The following PTK2 variants were observed in gnomAD, a reference collection of about 807,000 sequenced individuals.
PTK2 encodes the protein focal adhesion kinase 1.
PTK2 carries 45 observed loss-of-function variants against 150.1 expected under a neutral mutation model. That is an observed-to-expected ratio of 0.30 (90% CI 0.24 to 0.38). PTK2 has a LOEUF of 0.38. Ranked by LOEUF, PTK2 falls within the 10% of genes least tolerant of loss-of-function variation. The pLI is 1.00. For missense variants in PTK2, 919 were observed against 1,307.3 expected (o/e 0.70, Z 4.58); for synonymous variants, 432 against 449.2 (o/e 0.96, Z 0.48).
chr8:140,703,332 T>C (rs757255831), intron 24 of PTK2, among the ~76,000 whole-genome samples: 1 of 152,180 alleles, frequency 6.6e-6, no homozygotes, highest in Admixed American at 6.5e-5. Flanking sequence ...CCAAGGCATG[T>C]AGGTGCCCTG....
intron 21 of PTK2, 139 bp from the exon 25 acceptor site, chr8:140,735,594 A>G (rs534882196): frequency 2.9e-6 from 2 of 683,598 alleles, no homozygotes; most frequent in East Asian, 5.3e-5. Context: ...GCAGCATTAT[A>G]TTAACTCTAG....
Position 140,941,227 on chromosome 8 carries a change from A to G in PTK2, c.-121-15478T>C, listed in dbSNP as rs2100175627. ...GACATTCCCAGAGAAAAATACAGGG[A>G]TGGAGTGAGACAATAAAATATAAAA... is the stretch of plus-strand genomic sequence containing the variant. On this transcript the variant is annotated intron_variant, in intron 1 of 31. Coordinates refer to ENST00000522684, the Ensembl canonical transcript of PTK2. Among the ~76,000 whole-genome samples, 4 of 152,216 alleles carry G rather than the reference A, an allele frequency of 2.6e-5. No individual in the cohort carries two copies. The South Asian group carries it at 8.3e-4, about 32-fold the overall frequency.
chr8:140,906,459 T>C lies in PTK2; in HGVS notation c.-32-15690A>G, dbSNP rs560159984. On this transcript the variant is annotated intron_variant, in intron 2 of 31. Coordinates refer to ENST00000522684, the Ensembl canonical transcript of PTK2. ...ATCCACATGGACAATGTGGTATATA[T>C]ACACAATGGAATATTATTCAGCAAC... 1.4e-4 allele frequency among the ~76,000 whole-genome samples: 22 copies of C among 152,288 alleles called. No individual in the cohort carries two copies. The Middle Eastern group carries it at 0.01, about 71-fold the overall frequency.
At chr8:140,986,148 C>G (rs971322222) in intron 1 of PTK2, among the ~76,000 whole-genome samples, 5 of 152,166 alleles carry the variant, frequency 3.3e-5, no homozygotes, top group Admixed American at 2.0e-4. Context: ...AATGTAGTAG[C>G]CACTAGCCAC....
intron 2 of PTK2, among the ~76,000 whole-genome samples, chr8:140,919,244 T>C (rs2100166478): frequency 6.6e-6 from 1 of 152,244 alleles, no homozygotes; most frequent in Admixed American, 6.5e-5. Flanking sequence ...GTGTGAGCTC[T>C]GTTCCCTCTC....
intron 22 of PTK2, chr8:140,735,025 T>C (rs1486377525): frequency 1.8e-6 from 1 of 566,176 alleles, no homozygotes; most frequent in Non-Finnish European, 3.1e-6. Context: ...GGGAGAGAGA[T>C]TTGACCATAA....
At chr8:140,892,606 CT>C (rs773768989) in intron 2 of PTK2, 4 of 459,440 alleles carry the variant, frequency 8.7e-6, no homozygotes, top group Admixed American at 2.4e-5. Context: ...TAAATAATAC[CT>C]TTTTCATCCA....
chr8:140,816,345 C>CA (rs945511886), intron 10 of PTK2, among the ~76,000 whole-genome samples: 22 of 150,748 alleles, frequency 1.5e-4, no homozygotes, highest in Non-Finnish European at 2.4e-4. Flanking sequence ...AACACAATAT[C>CA]AAAAAAAAAG....
intron 2 of PTK2, among the ~76,000 whole-genome samples, chr8:140,897,953 AC>A (rs1190253206): frequency 6.6e-6 from 1 of 152,336 alleles, no homozygotes. Flanking sequence ...GAGATCTGCC[AC>A]TTTTGCGCAC....
At chr8:140,906,693 G>T (rs1371009896) in intron 2 of PTK2, among the ~76,000 whole-genome samples, 1 of 152,082 alleles carries the variant, frequency 6.6e-6, no homozygotes, top group Non-Finnish European at 1.5e-5. Flanking sequence ...AATAGAAGTA[G>T]GTTAAGGGGT....
At chr8:140,810,173 G>A (rs761590072) in intron 10 of PTK2, among the ~76,000 whole-genome samples, 2 of 152,202 alleles carry the variant, frequency 1.3e-5, no homozygotes, top group Non-Finnish European at 2.9e-5. Context: ...CAACTACTAC[G>A]GACACTTGAG....
chr8:140,999,058 T>C (rs775354319), intron 1 of PTK2, among the ~76,000 whole-genome samples: 2 of 152,228 alleles, frequency 1.3e-5, no homozygotes, highest in Non-Finnish European at 2.9e-5. Context: ...TCTAACATTA[T>C]TCACTTTCAA....
intron 1 of PTK2, among the ~76,000 whole-genome samples, chr8:140,937,430 T>C (rs1203827607): frequency 3.3e-5 from 5 of 152,236 alleles, no homozygotes; most frequent in Non-Finnish European, 7.4e-5. Context: ...TTTTATGCTC[T>C]AAGTATATAT....
At chr8:140,914,675 T>C (rs2100164478) in intron 2 of PTK2, among the ~76,000 whole-genome samples, 1 of 152,144 alleles carries the variant, frequency 6.6e-6, no homozygotes, top group Non-Finnish European at 1.5e-5. Context: ...CTCTCTCATT[T>C]GCTTCTAACG....
At chr8:140,930,834 G>A (rs1377182455) in intron 1 of PTK2, among the ~76,000 whole-genome samples, 1 of 152,164 alleles carries the variant, frequency 6.6e-6, no homozygotes, top group African/African-American at 2.4e-5. Flanking sequence ...AGCACTTTGA[G>A]AGGCTGAGGT....
In PTK2 at chr8:140,853,193, CT is replaced by C. The variant is rs111550228; in HGVS notation, c.451-6516del. ...AAACCTTTGCATATGATGTCACACT[CT>C]TTTTTTTTTTTAATACTTTAAGTTT... On this transcript the variant is annotated intron_variant, in intron 5 of 31. Coordinates refer to ENST00000522684, the Ensembl canonical transcript of PTK2. Among the ~76,000 whole-genome samples the C allele has an allele frequency of 1.3e-3, 150 of 113,534 alleles. 1 individual carries two copies. The East Asian group carries it at 0.015, about 11-fold the overall frequency. 74.5% of individuals were successfully genotyped at this position (113,534 alleles called of 152,430 possible).
chr8:140,873,185 C>A (rs565103337), intron 4 of PTK2, among the ~76,000 whole-genome samples: 116 of 152,282 alleles, frequency 7.6e-4, no homozygotes, highest in African/African-American at 2.6e-3. Flanking sequence ...CAAGAGAATG[C>A]CAAGCTGGTT....
At chr8:140,725,143 CTA>C (rs2100045001) in intron 22 of PTK2, among the ~76,000 whole-genome samples, 1 of 147,466 alleles carries the variant, frequency 6.8e-6, no homozygotes, top group Admixed American at 6.8e-5. Context: ...TTATTTTTTT[CTA>C]TTTTTTGAAT....
chr8:140,923,700 A>C (rs996795968), intron 2 of PTK2, among the ~76,000 whole-genome samples: 1 of 152,226 alleles, frequency 6.6e-6, no homozygotes, highest in Non-Finnish European at 1.5e-5. Context: ...CACTTATTTA[A>C]AAGTTCTGTG....
Sources: allele counts gnomAD v4.1 joint callset (sites outside exome capture counted in the v4.1 genomes callset), GRCh38; gene constraint gnomAD v4.1.1; transcripts MANE v1.5; gene names NCBI Gene and HGNC (gene_info 2026-07-23, HGNC 2026-07-21).